MAML2: variants seen among roughly 807,000 people sequenced by gnomAD.
The protein encoded by MAML2 is mastermind like transcriptional coactivator 2.
In MAML2, 22 loss-of-function variants were observed where a neutral mutation model predicts 96.1. That is an observed-to-expected ratio of 0.23 (90% CI 0.16 to 0.33). The LOEUF (loss-of-function observed/expected upper bound fraction) is 0.33. Among genes scored for constraint, MAML2 ranks in the 10% least tolerant of loss-of-function variants. The probability of loss-of-function intolerance (pLI) is 1.00; values close to 1 mark genes in which losing one functional copy is unlikely to be tolerated. For synonymous variants in MAML2, 561 were observed against 521.3 expected, an observed-to-expected ratio of 1.08 and a Z score of -1.04; for missense variants, 1,367 against 1,392.4, an observed-to-expected ratio of 0.98 and a Z score of 0.29.
intron 2 of MAML2, among the ~76,000 whole-genome samples, chr11:96,069,709 AAAT>A (rs1859309685): frequency 6.6e-6 from 1 of 151,940 alleles, no homozygotes; most frequent in Non-Finnish European, 1.5e-5. Context: ...AAATTCATAT[AAAT>A]AATAATGTAA....
At chr11:95,985,097 T>C (rs1857805127) in intron 4 of MAML2, among the ~76,000 whole-genome samples, 1 of 152,202 alleles carries the variant, frequency 6.6e-6, no homozygotes, top group Non-Finnish European at 1.5e-5. Context: ...TATTCCTTGG[T>C]GGCAGGACCA....
chr11:96,249,159 C>T (rs1027615613), intron 1 of MAML2, among the ~76,000 whole-genome samples: 12 of 152,132 alleles, frequency 7.9e-5, no homozygotes, highest in African/African-American at 2.4e-4. Context: ...TAAACTCTTC[C>T]TCCTTCTTAA....
chr11:96,027,877 A>G (rs1858549875), intron 2 of MAML2, among the ~76,000 whole-genome samples: 1 of 151,998 alleles, frequency 6.6e-6, no homozygotes, highest in African/African-American at 2.4e-5. Flanking sequence ...GACTACAGGT[A>G]TGTGTTACTG....
intron 1 of MAML2, among the ~76,000 whole-genome samples, chr11:96,149,915 TATTTG>T (rs2135876326): frequency 6.6e-6 from 1 of 152,276 alleles, no homozygotes; most frequent in South Asian, 2.1e-4. Flanking sequence ...TCTCTGTCTT[TATTTG>T]ATCCACCGCC....
At chr11:96,283,383 T>C (rs953458096) in intron 1 of MAML2, among the ~76,000 whole-genome samples, 1 of 152,176 alleles carries the variant, frequency 6.6e-6, no homozygotes, top group Admixed American at 6.5e-5. Context: ...TTCTACAACG[T>C]TTATTAGAAC....
At chr11:96,113,071 C>G (rs911449143) in intron 1 of MAML2, among the ~76,000 whole-genome samples, 61 of 72,090 alleles carry the variant, frequency 8.5e-4, no homozygotes, top group African/African-American at 3.1e-3. Flanking sequence ...ATTCAGTTTG[C>G]ATTTTGCAGG....
chr11:96,228,286 C>T lies in MAML2; in HGVS notation c.513+113097G>A, dbSNP rs1233916553. ...CTTCAATCACTCCCTCCAGCCATCA[C>T]CAGGCTGGATTCTTGGTTTCCTATT... On this transcript the variant is annotated intron_variant, in intron 1 of 4. Transcript: ENST00000524717. Among the ~76,000 whole-genome samples the T allele has an allele frequency of 3.3e-5, 5 of 152,132 alleles. No individual in the cohort carries two copies. The East Asian group carries it at 9.6e-4, about 29-fold the overall frequency.
chr11:96,272,364 G>A (rs942552166), intron 1 of MAML2, among the ~76,000 whole-genome samples: 1 of 152,086 alleles, frequency 6.6e-6, no homozygotes, highest in Non-Finnish European at 1.5e-5. Flanking sequence ...TGGTTTACAC[G>A]CCTCTTCCAG....
In MAML2 at chr11:96,092,570, C is replaced by T. The variant is rs1352111427; in HGVS notation, c.1461G>A (p.Gln487=). Residue 487 remains glutamine, a synonymous_variant, in exon 2 of 5, where the codon CAG becomes CAA. Coordinates refer to ENST00000524717, the MANE Select transcript of MAML2 (RefSeq NM_032427.4). This position sits in a 1 kb window ranked among gnomAD's most constrained non-coding sequence, Gnocchi z 4.1. The stretch of plus-strand genomic sequence containing the variant: ...GGGAGCTCTGTGGGCTGAATGTCTG[C>T]TGACCAAAAGAAGGGCTGGGGATTT... ...QEKIPSPSFG[Q]QTFSPQSSPM... is the part of the protein sequence containing the mutation. The T allele has an allele frequency of 6.2e-7, 1 of 1,606,730 alleles. No homozygotes were observed. The highest frequency in any genetic ancestry group is 2.2e-5 in the East Asian group (1 of 44,710).
intron 2 of MAML2, among the ~76,000 whole-genome samples, chr11:96,050,056 C>T (rs1267920895): frequency 6.6e-6 from 1 of 152,094 alleles, no homozygotes; most frequent in Non-Finnish European, 1.5e-5. Flanking sequence ...AACTTTTTAC[C>T]TCTCTGATCT....
At chr11:96,332,569 C>A (rs1863868174) in intron 1 of MAML2, among the ~76,000 whole-genome samples, 2 of 152,194 alleles carry the variant, frequency 1.3e-5, no homozygotes, top group African/African-American at 4.8e-5. Context: ...AGGATAGCTC[C>A]TCTTTCCTGT....
At chr11:96,090,972 G>A (rs994593075) in intron 2 of MAML2, among the ~76,000 whole-genome samples, 2 of 152,160 alleles carry the variant, frequency 1.3e-5, no homozygotes, top group Admixed American at 1.3e-4. Flanking sequence ...CAAATTACAC[G>A]CACAAAGCTA....
chr11:96,201,482 G>A (rs1315456725), intron 1 of MAML2, among the ~76,000 whole-genome samples: 1 of 152,168 alleles, frequency 6.6e-6, no homozygotes, highest in Non-Finnish European at 1.5e-5. Flanking sequence ...GAGACCACTA[G>A]GACTATTCCA....
At chr11:96,154,456 G>A (rs989917760) in intron 1 of MAML2, among the ~76,000 whole-genome samples, 28 of 152,222 alleles carry the variant, frequency 1.8e-4, no homozygotes, top group South Asian at 2.1e-4. Flanking sequence ...GTTGCCAGTT[G>A]CCTCTGCAGC....
chr11:96,231,977 G>A (rs1305922560), intron 1 of MAML2, among the ~76,000 whole-genome samples: 1 of 152,162 alleles, frequency 6.6e-6, no homozygotes, highest in Non-Finnish European at 1.5e-5. Flanking sequence ...GAGGACGTAG[G>A]TGTCTAGTTA....
chr11:96,286,992 G>C (rs950744158), intron 1 of MAML2, among the ~76,000 whole-genome samples: 1 of 152,070 alleles, frequency 6.6e-6, no homozygotes, highest in Non-Finnish European at 1.5e-5. Flanking sequence ...ATATATTCAC[G>C]AGAGAGCAGC....
intron 1 of MAML2, among the ~76,000 whole-genome samples, chr11:96,134,853 C>G (rs1275496850): frequency 6.6e-6 from 1 of 152,090 alleles, no homozygotes; most frequent in African/African-American, 2.4e-5. Context: ...GAGAATAAAC[C>G]AAACTCTCCT....
intron 1 of MAML2, among the ~76,000 whole-genome samples, chr11:96,246,634 T>C (rs1451450962): frequency 2.0e-5 from 3 of 152,186 alleles, no homozygotes; most frequent in Non-Finnish European, 4.4e-5. Flanking sequence ...CCTGCATTGT[T>C]TCAGTCAAAG....
intron 1 of MAML2, among the ~76,000 whole-genome samples, chr11:96,243,156 G>A (rs1378280732): frequency 6.6e-6 from 1 of 151,940 alleles, no homozygotes; most frequent in African/African-American, 2.4e-5. Context: ...CTTGTTCCCA[G>A]TAGAGTTTAT....
Sources: gnomAD v4.1 joint callset for allele counts (sites outside exome capture counted in the v4.1 genomes callset) on GRCh38, gnomAD v4.1.1 for gene constraint, Gnocchi (gnomAD v3.1) non-coding constraint, MANE v1.5 for transcripts, NCBI Gene and HGNC (gene_info 2026-07-23, HGNC 2026-07-21) for gene names.